Variants in PDE4D observed in about 807,000 individuals in gnomAD.
PDE4D encodes 3',5'-cyclic-AMP phosphodiesterase 4D.
Under a neutral mutation model 87.4 loss-of-function variants are expected in PDE4D, and 24 were observed. That is an observed-to-expected ratio of 0.27 (90% CI 0.20 to 0.39). The LOEUF (loss-of-function observed/expected upper bound fraction) is 0.39, where lower values mean the gene tolerates loss of function less well. Ranked by LOEUF, PDE4D falls within the 10% of genes least tolerant of loss-of-function variation. The pLI, the probability that PDE4D is intolerant of heterozygous loss-of-function variation, is 1.00. For missense variants in PDE4D, 714 were observed against 1,041.0 expected, an observed-to-expected ratio of 0.69 and a Z score of 4.32; for synonymous variants, 384 against 383.2, an observed-to-expected ratio of 1.00 and a Z score of -0.02.
chr5:60,224,762 G>A (rs1306876043), intron 1 of PDE4D, among the ~76,000 whole-genome samples: 1 of 152,042 alleles, frequency 6.6e-6, no homozygotes, highest in African/African-American at 2.4e-5. Flanking sequence ...CATCAATTAA[G>A]CCACCAGGCT....
intron 2 of PDE4D, chr5:59,215,509 C>A (rs1162089692): frequency 5.5e-6 from 2 of 360,880 alleles, no homozygotes; most frequent in African/African-American, 2.2e-5. Context: ...AAATTTAATT[C>A]TCAGTTTTCC....
chr5:59,202,033 A>ATTTTATTT (rs1747546517), intron 2 of PDE4D, among the ~76,000 whole-genome samples: 2 of 95,258 alleles, frequency 2.1e-5, no homozygotes, highest in Admixed American at 3.1e-4. Flanking sequence ...TGTTTTGATC[A>ATTTTATTT]TTTTTTTTTT....
At chr5:59,220,306 AG>A (rs1479370730) in intron 1 of PDE4D, among the ~76,000 whole-genome samples, 1 of 143,126 alleles carries the variant, frequency 7.0e-6, no homozygotes, top group Non-Finnish European at 1.5e-5. Context: ...GCTTCAGACC[AG>A]GAGTTCAAGG....
chr5:59,938,752 A>T (rs575133573), intron 3 of PDE4D, among the ~76,000 whole-genome samples: 1 of 152,304 alleles, frequency 6.6e-6, no homozygotes, highest in Admixed American at 6.5e-5. Context: ...TCCAAATTTC[A>T]TCTTTCAGCC....
rs3061420 is a variant in PDE4D, at chr5:59,144,890, T to TGGC, written c.808+35704_808+35705insGCC. ...CCGTATTCCCTTTAATAGGGTTTAA[T>TGGC]GGGGGGGGGGGGGGGAACCATCCAG... is the stretch of plus-strand genomic sequence containing the variant. On this transcript the variant is annotated intron_variant, in intron 5 of 14. Coordinates refer to ENST00000340635, the MANE Select transcript of PDE4D (RefSeq NM_001104631.2). 7.0e-3 allele frequency among the ~76,000 whole-genome samples: 307 copies of TGGC among 43,780 alleles called. 2 individuals carry two copies. Among genetic ancestry groups the TGGC allele is most frequent in the Middle Eastern group, 0.019 (1 of 52 alleles). 28.7% of individuals were successfully genotyped at this position (43,780 alleles called of 152,430 possible). A position where few individuals can be genotyped will look rare whatever the true frequency, so the allele number is the denominator to read the frequency against.
intron 1 of PDE4D, among the ~76,000 whole-genome samples, chr5:60,394,628 T>A (rs896858165): frequency 2.0e-5 from 3 of 152,188 alleles, no homozygotes; most frequent in Non-Finnish European, 2.9e-5. Flanking sequence ...TCATCTAGAC[T>A]TTTATCCTAT....
At chr5:59,656,998 G>C (rs1190904000) in intron 1 of PDE4D, among the ~76,000 whole-genome samples, 1 of 151,878 alleles carries the variant, frequency 6.6e-6, no homozygotes, top group Non-Finnish European at 1.5e-5. Flanking sequence ...TTGTCCTAAG[G>C]CCTAAGATCA....
Position 60,458,691 on chromosome 5 carries a change from T to C in PDE4D, c.-90+29251A>G, listed in dbSNP as rs150539683. On this transcript the variant is annotated intron_variant, in intron 1 of 16. Coordinates refer to the PDE4D transcript ENST00000502484. ...AATTATTAAGAATGAAAGTTTCCAA[T>C]AGTGTAAAGGAGAGACGTGGTAGTG... 7.9e-5 allele frequency among the ~76,000 whole-genome samples: 12 copies of C among 152,146 alleles called. 1 individual carries two copies. Among genetic ancestry groups the C allele is most frequent in the African/African-American group, 2.9e-4 (12 of 41,516 alleles).
intron 5 of PDE4D, among the ~76,000 whole-genome samples, chr5:59,071,200 A>T (rs965622521): frequency 6.6e-6 from 1 of 152,092 alleles, no homozygotes. Context: ...TTGATTTTTG[A>T]TCCTTCTATA....
At chr5:60,386,586 C>T (rs1762208830) in intron 1 of PDE4D, among the ~76,000 whole-genome samples, 1 of 152,228 alleles carries the variant, frequency 6.6e-6, no homozygotes, top group Non-Finnish European at 1.5e-5. Flanking sequence ...AGCTCCAGCA[C>T]TGATGGGCAG....
At chr5:59,352,876 A>C (rs1780745811) in intron 1 of PDE4D, among the ~76,000 whole-genome samples, 1 of 152,180 alleles carries the variant, frequency 6.6e-6, no homozygotes, top group Admixed American at 6.5e-5. Context: ...GTATTTAATT[A>C]ATCACCTGTT....
intron 1 of PDE4D, among the ~76,000 whole-genome samples, chr5:59,259,122 C>G (rs115618700): frequency 0.015 from 2,320 of 151,904 alleles, 57 homozygotes; most frequent in African/African-American, 0.053. Context: ...CATGAAAACA[C>G]AAACATAAAC....
intron 1 of PDE4D, among the ~76,000 whole-genome samples, chr5:59,697,534 C>A (rs1051313636): frequency 3.9e-5 from 6 of 152,150 alleles, no homozygotes; most frequent in East Asian, 1.9e-4. Flanking sequence ...CCAACACTTA[C>A]CATCTCATTT....
chr5:59,094,152 A>G (rs1463699284), intron 5 of PDE4D, among the ~76,000 whole-genome samples: 2 of 126,580 alleles, frequency 1.6e-5, no homozygotes, highest in African/African-American at 3.0e-5. Flanking sequence ...TGGGAGGCAG[A>G]GGTTGCAGTG....
chr5:59,289,888 A>G (rs1767689176), intron 1 of PDE4D, among the ~76,000 whole-genome samples: 1 of 152,038 alleles, frequency 6.6e-6, no homozygotes, highest in African/African-American at 2.4e-5. Context: ...CCAACAGTGA[A>G]CAATCTGAAA....
chr5:59,156,270 C>G (rs1380772846), intron 5 of PDE4D, among the ~76,000 whole-genome samples: 1 of 141,214 alleles, frequency 7.1e-6, no homozygotes, highest in Non-Finnish European at 1.5e-5. Flanking sequence ...GACTCATTTG[C>G]TTAAAGGAGA....
At chr5:60,397,125 T>C (rs550889708) in intron 1 of PDE4D, among the ~76,000 whole-genome samples, 1 of 152,114 alleles carries the variant, frequency 6.6e-6, no homozygotes, top group Admixed American at 6.5e-5. Context: ...ACAGCTATCA[T>C]CAAAAGACAA....
At chr5:59,201,555 TA>T (rs1446013267) in intron 2 of PDE4D, among the ~76,000 whole-genome samples, 1 of 152,084 alleles carries the variant, frequency 6.6e-6, no homozygotes, top group East Asian at 1.9e-4. Flanking sequence ...ATATAGTAAA[TA>T]AAACAATACC....
At chr5:59,585,627 C>T (rs942080065) in intron 1 of PDE4D, among the ~76,000 whole-genome samples, 1 of 152,126 alleles carries the variant, frequency 6.6e-6, no homozygotes, top group East Asian at 1.9e-4. Context: ...GCAATGAGTT[C>T]CTACACACAT....
Sources: gnomAD v4.1 joint callset for allele counts (sites outside exome capture counted in the v4.1 genomes callset) on GRCh38, gnomAD v4.1.1 for gene constraint, MANE v1.5 for transcripts, NCBI Gene and HGNC (gene_info 2026-07-23, HGNC 2026-07-21) for gene names.